Variants in RIPOR2 observed in about 807,000 individuals in gnomAD.
The protein encoded by RIPOR2 is rho family-interacting cell polarization regulator 2.
RIPOR2 carries 39 observed loss-of-function variants against 114.5 expected under a neutral mutation model. The observed-to-expected ratio is 0.34, with a 90% CI of 0.26 to 0.44. The LOEUF (loss-of-function observed/expected upper bound fraction) is 0.44, where lower values mean the gene tolerates loss of function less well. RIPOR2 is among the 20% of genes least tolerant of loss of function. The pLI is 1.00. For missense variants in RIPOR2, 1,007 were observed against 1,255.1 expected, an observed-to-expected ratio of 0.80 and a Z score of 2.99; for synonymous variants, 445 against 484.4, an observed-to-expected ratio of 0.92 and a Z score of 1.07.
intron 1 of RIPOR2, among the ~76,000 whole-genome samples, chr6:24,972,213 T>C (rs450392): frequency 0.66 from 99,735 of 152,116 alleles, 34,515 homozygotes; most frequent in Non-Finnish European, 0.78. Context: ...AATATAGATA[T>C]GGAATTTGTT....
Position 24,861,034 on chromosome 6 carries a change from A to G in RIPOR2, c.654T>C (p.Asn218=), listed in dbSNP as rs751376193. The change falls in exon 8 of 22, where the codon AAT becomes AAC. Residue 218 remains asparagine, a splice_region_variant and synonymous_variant. Coordinates refer to ENST00000643898, the MANE Select transcript of RIPOR2 (RefSeq NM_001286445.3). ...INRSFKEYTE[N]MCTIEVELEN... ...CTAGCTCCACTTCAATGGTGCACAT[A>G]TTCTGCAAAGAGGACAGGAGACGAT... 7 of 1,608,564 alleles carry G rather than the reference A, an allele frequency of 4.4e-6. No homozygotes were observed. Among genetic ancestry groups the G allele is most frequent in the Admixed American group, 3.4e-5 (2 of 59,648 alleles).
chr6:24,838,004 C>A (rs1761268243), intron 14 of RIPOR2, among the ~76,000 whole-genome samples: 1 of 152,146 alleles, frequency 6.6e-6, no homozygotes, highest in Non-Finnish European at 1.5e-5. Flanking sequence ...TCTTTCACAG[C>A]AATTGATGGA....
In RIPOR2 at chr6:24,835,866, C is replaced by T; in HGVS notation, c.2045G>A (p.Arg682Lys). ...CCCCCTGGCTTCTGGGTGAACCGAC[C>T]TGTAACTATTGAAGGTGGGCAAAAC... Reference protein sequence around the residue: ...SDTETEKHSYRSVHPEARGHL... With the variant: ...SDTETEKHSYKSVHPEARGHL... Residue 682 changes from arginine to lysine, a missense_variant, in exon 15 of 22, where the codon AGG becomes AAG. Arg to Lys is a conservative substitution (Grantham distance 26). Coordinates refer to ENST00000643898, the MANE Select transcript of RIPOR2 (RefSeq NM_001286445.3). 1 of 1,551,530 alleles carries T rather than the reference C, an allele frequency of 6.4e-7. No homozygotes were observed. The highest frequency in any genetic ancestry group is 1.2e-5 in the South Asian group (1 of 84,048).
intron 1 of RIPOR2, among the ~76,000 whole-genome samples, chr6:24,907,111 T>G (rs1054017773): frequency 5.3e-4 from 80 of 152,358 alleles, no homozygotes; most frequent in African/African-American, 1.9e-3. Flanking sequence ...TGTGAATCAG[T>G]TTTAGAATGC....
chr6:25,022,748 G>A (rs1340257158), intron 1 of RIPOR2, among the ~76,000 whole-genome samples: 4 of 151,374 alleles, frequency 2.6e-5, no homozygotes, highest in African/African-American at 9.7e-5. Flanking sequence ...GTCCCACTAT[G>A]TTGTCCAGGC....
intron 1 of RIPOR2, among the ~76,000 whole-genome samples, chr6:24,903,361 CCCCAT>C (rs1470326827): frequency 6.6e-5 from 10 of 151,984 alleles, no homozygotes; most frequent in Admixed American, 6.6e-4. Context: ...GAACATAAAC[CCCCAT>C]CTCTCCATGT....
intron 1 of RIPOR2, among the ~76,000 whole-genome samples, chr6:24,923,921 G>A (rs1038479118): frequency 6.6e-6 from 1 of 152,084 alleles, no homozygotes; most frequent in East Asian, 1.9e-4. Flanking sequence ...CACAGAGCTC[G>A]ACATTCCTGC....
intron 1 of RIPOR2, among the ~76,000 whole-genome samples, chr6:24,912,728 C>G (rs1581784672): frequency 6.6e-6 from 1 of 152,168 alleles, no homozygotes; most frequent in South Asian, 2.1e-4. Context: ...GGGAGAAGGG[C>G]CTGACATCCA....
At chr6:25,016,834 A>C (rs963105832) in intron 1 of RIPOR2, among the ~76,000 whole-genome samples, 2 of 152,256 alleles carry the variant, frequency 1.3e-5, no homozygotes, top group South Asian at 4.1e-4. Context: ...GGTTTCTAAA[A>C]ATTTCCAGGA....
chr6:24,839,628 G>GA (rs752301269), intron 13 of RIPOR2: 42 of 1,529,888 alleles, frequency 2.7e-5, no homozygotes, highest in East Asian at 1.5e-4. Context: ...ACAAAAAGTT[G>GA]AAAAAAAACA....
At chr6:25,017,147 C>G (rs914590142) in intron 1 of RIPOR2, among the ~76,000 whole-genome samples, 16 of 152,296 alleles carry the variant, frequency 1.1e-4, no homozygotes, top group African/African-American at 3.9e-4. Context: ...CAAGACCAGC[C>G]TGGCCAACAT....
chr6:24,910,085 G>C (rs1257433845), intron 1 of RIPOR2, among the ~76,000 whole-genome samples: 2 of 152,088 alleles, frequency 1.3e-5, no homozygotes, highest in Non-Finnish European at 2.9e-5. Flanking sequence ...TTATCGTCTC[G>C]GGCAAGAGAG....
At chr6:24,927,183 G>GCACCACTACAACTACAATCACC (rs1561782630) in intron 1 of RIPOR2, among the ~76,000 whole-genome samples, 1 of 3,726 alleles carries the variant, frequency 2.7e-4, no homozygotes, top group Non-Finnish European at 5.1e-4. Context: ...CCACCACCAT[G>GCACCACTACAACTACAATCACC]ACCACCACCA....
intron 1 of RIPOR2, among the ~76,000 whole-genome samples, chr6:24,950,775 A>G (rs969917245): frequency 4.8e-5 from 7 of 146,246 alleles, no homozygotes; most frequent in African/African-American, 1.8e-4. Flanking sequence ...ACAAGCCTAA[A>G]GTGCAGCTAT....
intron 1 of RIPOR2, among the ~76,000 whole-genome samples, chr6:25,012,040 G>A (rs1775793456): frequency 6.6e-6 from 1 of 152,058 alleles, no homozygotes; most frequent in Admixed American, 6.5e-5. Flanking sequence ...ACAATAAAAA[G>A]ACAAATAACC....
chr6:24,991,629 T>C (rs774060025), intron 1 of RIPOR2, among the ~76,000 whole-genome samples: 60 of 152,186 alleles, frequency 3.9e-4, no homozygotes, highest in Non-Finnish European at 7.4e-4. Flanking sequence ...CAAACCTCAC[T>C]GTGGGCCCCC....
chr6:24,866,648 TA>T (rs71710508), intron 6 of RIPOR2, among the ~76,000 whole-genome samples: 1,683 of 146,268 alleles, frequency 0.012, 31 homozygotes, highest in African/African-American at 0.039. Context: ...TGTGCTTAGC[TA>T]AAAAAAAAAC....
At chr6:24,933,791 C>T (rs1771568832) in intron 1 of RIPOR2, among the ~76,000 whole-genome samples, 1 of 152,146 alleles carries the variant, frequency 6.6e-6, no homozygotes, top group South Asian at 2.1e-4. Flanking sequence ...GTTTGACTCC[C>T]AACTTATCAA....
chr6:25,034,303 C>T (rs1777136343), intron 1 of RIPOR2, among the ~76,000 whole-genome samples: 1 of 109,844 alleles, frequency 9.1e-6, no homozygotes, highest in African/African-American at 3.7e-5. Flanking sequence ...ACAGTTTTGA[C>T]AACTGTTGGG....
Sources: gnomAD v4.1 joint callset for allele counts (sites outside exome capture counted in the v4.1 genomes callset) on GRCh38, gnomAD v4.1.1 for gene constraint, MANE v1.5 for transcripts, NCBI Gene and HGNC (gene_info 2026-07-23, HGNC 2026-07-21) for gene names.